Variants in UNC5D observed in about 807,000 individuals in gnomAD.
UNC5D encodes the protein netrin receptor UNC5D.
UNC5D carries 39 observed loss-of-function variants against 105.4 expected under a neutral mutation model. The observed-to-expected ratio is 0.37, with a 90% CI of 0.29 to 0.48. The LOEUF (loss-of-function observed/expected upper bound fraction) is 0.48, where lower values mean the gene tolerates loss of function less well. Ranked by LOEUF, UNC5D falls within the 20% of genes least tolerant of loss-of-function variation. The probability of loss-of-function intolerance (pLI) is 0.98; values close to 1 mark genes in which losing one functional copy is unlikely to be tolerated. For synonymous variants in UNC5D, 452 were observed against 450.4 expected (o/e 1.00, Z -0.04); for missense variants, 991 against 1,202.4 (o/e 0.82, Z 2.60).
At chr8:35,585,712 T>C (rs1173198131) in intron 3 of UNC5D, among the ~76,000 whole-genome samples, 2 of 151,936 alleles carry the variant, frequency 1.3e-5, no homozygotes, top group Admixed American at 1.3e-4. Context: ...TCTTTGTTGC[T>C]TCCTTCTTTG....
intron 1 of UNC5D, among the ~76,000 whole-genome samples, chr8:35,538,477 G>A (rs1815035050): frequency 7.1e-6 from 1 of 140,340 alleles, no homozygotes. Flanking sequence ...TTTATCCAAA[G>A]GATTAAGAAT....
chr8:35,433,091 C>T (rs1806761971), intron 1 of UNC5D, among the ~76,000 whole-genome samples: 2 of 152,074 alleles, frequency 1.3e-5, no homozygotes, highest in Admixed American at 6.6e-5. Flanking sequence ...TTCTGATGTT[C>T]GATGTGAAAG....
At chr8:35,559,233 A>T (rs2130742894) in intron 2 of UNC5D, among the ~76,000 whole-genome samples, 1 of 152,298 alleles carries the variant, frequency 6.6e-6, no homozygotes, top group South Asian at 2.1e-4. Flanking sequence ...CAAGACTGGG[A>T]CGAGATAAAC....
intron 1 of UNC5D, among the ~76,000 whole-genome samples, chr8:35,409,690 GCTTGT>G (rs1319256376): frequency 6.6e-6 from 1 of 151,524 alleles, no homozygotes; most frequent in Admixed American, 6.6e-5. Context: ...CCAGTCTCTG[GCTTGT>G]CTTTTCATTC....
At chr8:35,554,625 C>T (rs1816402506) in intron 2 of UNC5D, among the ~76,000 whole-genome samples, 1 of 152,148 alleles carries the variant, frequency 6.6e-6, no homozygotes, top group African/African-American at 2.4e-5. Context: ...AACCACAAAC[C>T]AAACATATCT....
chr8:35,454,808 C>T (rs185194357), intron 1 of UNC5D, among the ~76,000 whole-genome samples: 1 of 152,182 alleles, frequency 6.6e-6, no homozygotes, highest in Admixed American at 6.6e-5. Flanking sequence ...TATTAACAGA[C>T]CTAATTCACA....
At chr8:35,240,111 T>G (rs1474016607) in intron 1 of UNC5D, among the ~76,000 whole-genome samples, 1 of 151,992 alleles carries the variant, frequency 6.6e-6, no homozygotes, top group Non-Finnish European at 1.5e-5. Flanking sequence ...CAGTAATTTT[T>G]TGTGTGTGTT....
chr8:35,578,219 C>CT (rs1259588585), intron 3 of UNC5D, among the ~76,000 whole-genome samples: 1 of 105,290 alleles, frequency 9.5e-6, no homozygotes, highest in African/African-American at 4.3e-5. Flanking sequence ...GAGCAAAACT[C>CT]TGTCTCAAAA....
At chr8:35,540,773 T>C (rs1815220509) in intron 1 of UNC5D, among the ~76,000 whole-genome samples, 1 of 152,138 alleles carries the variant, frequency 6.6e-6, no homozygotes, top group South Asian at 2.1e-4. Context: ...AAGTGAAAGC[T>C]AAAATGATGG....
intron 1 of UNC5D, among the ~76,000 whole-genome samples, chr8:35,431,954 G>A (rs1202838404): frequency 1.3e-5 from 2 of 152,248 alleles, no homozygotes; most frequent in African/African-American, 4.8e-5. Flanking sequence ...ATAAGTTACA[G>A]TTAACTTTAA....
At chr8:35,785,798 C>T (rs1038965844) in intron 16 of UNC5D, among the ~76,000 whole-genome samples, 10 of 152,132 alleles carry the variant, frequency 6.6e-5, no homozygotes, top group African/African-American at 1.2e-4. Context: ...CTTGCAAGAT[C>T]GGGTGTCTGG....
At chr8:35,323,889 G>T (rs2128888491) in intron 1 of UNC5D, among the ~76,000 whole-genome samples, 1 of 152,156 alleles carries the variant, frequency 6.6e-6, no homozygotes, top group Middle Eastern at 3.4e-3. Flanking sequence ...TCCCTGGTCG[G>T]TGCTCTTAAG....
intron 1 of UNC5D, among the ~76,000 whole-genome samples, chr8:35,545,462 G>T (rs1166175438): frequency 6.6e-6 from 1 of 152,070 alleles, no homozygotes; most frequent in Non-Finnish European, 1.5e-5. Flanking sequence ...GATGAGGAAG[G>T]GGTGTCCTCC....
intron 15 of UNC5D, among the ~76,000 whole-genome samples, chr8:35,768,880 T>C (rs1325702111): frequency 1.3e-5 from 2 of 152,230 alleles, no homozygotes; most frequent in African/African-American, 4.8e-5. Context: ...TGTTAGGCTA[T>C]AGTCATCCAA....
intron 4 of UNC5D, among the ~76,000 whole-genome samples, chr8:35,679,768 C>G (rs1825533912): frequency 6.6e-6 from 1 of 152,176 alleles, no homozygotes; most frequent in Admixed American, 6.5e-5. Flanking sequence ...CATGGTAGGA[C>G]AGTGTCTTAG....
At chr8:35,489,653 C>T (rs1167234560) in intron 1 of UNC5D, among the ~76,000 whole-genome samples, 2 of 152,104 alleles carry the variant, frequency 1.3e-5, no homozygotes, top group East Asian at 1.9e-4. Context: ...TTTAAGCCAC[C>T]CAGTCTGTGG....
intron 1 of UNC5D, among the ~76,000 whole-genome samples, chr8:35,374,507 T>A (rs533757236): frequency 6.6e-6 from 1 of 152,228 alleles, no homozygotes; most frequent in African/African-American, 2.4e-5. Context: ...TATGGTAGAG[T>A]TAGGTTGCTC....
rs112188484 is a variant in UNC5D, at chr8:35,788,689, A to AACACACACACACAC, written c.2658-1660_2658-1659insACACACACACACAC. 3.5e-3 allele frequency among the ~76,000 whole-genome samples: 530 copies of AACACACACACACAC among 151,286 alleles called. 1 individual carries two copies. Among genetic ancestry groups the AACACACACACACAC allele is most frequent in the African/African-American group, 0.011 (454 of 41,044 alleles). On this transcript the variant is annotated intron_variant, in intron 16 of 16. Transcript: ENST00000404895. The stretch of plus-strand genomic sequence containing the variant: ...TTGTGGTCAAATTGGGAAGGCAGAA[A>AACACACACACACAC]ACACACACACGCACACACACACACA...
chr8:35,434,165 G>C (rs1013376998), intron 1 of UNC5D, among the ~76,000 whole-genome samples: 1 of 152,054 alleles, frequency 6.6e-6, no homozygotes, highest in Non-Finnish European at 1.5e-5. Context: ...GTGAATTTAT[G>C]AAGTTTTGGC....
Sources: gnomAD v4.1 joint callset for allele counts (sites outside exome capture counted in the v4.1 genomes callset) on GRCh38, gnomAD v4.1.1 for gene constraint, MANE v1.5 for transcripts, NCBI Gene and HGNC (gene_info 2026-07-23, HGNC 2026-07-21) for gene names.